Variants in DTWD2 observed in about 807,000 individuals in gnomAD.
DTWD2 encodes the protein tRNA-uridine aminocarboxypropyltransferase 2.
Under a neutral mutation model 31.8 loss-of-function variants are expected in DTWD2, and 39 were observed. The ratio of observed to expected loss-of-function variants is 1.22; its 90% CI spans 0.95 to 1.60. The LOEUF (loss-of-function observed/expected upper bound fraction) is 1.60, where lower values mean the gene tolerates loss of function less well. Among genes scored for constraint, DTWD2 ranks in the 40% most tolerant of loss-of-function variants. DTWD2 has a pLI of 0.00. For missense variants in DTWD2, 515 were observed against 381.5 expected (o/e 1.35, Z -2.92); for synonymous variants, 180 against 142.8 (o/e 1.26, Z -1.86).
chr5:118,903,233 T>G (rs922498706), intron 4 of DTWD2, among the ~76,000 whole-genome samples: 3 of 151,734 alleles, frequency 2.0e-5, no homozygotes, highest in Non-Finnish European at 2.9e-5. Context: ...AGATAAACAT[T>G]GAACAGCTGG....
intron 4 of DTWD2, among the ~76,000 whole-genome samples, chr5:118,849,686 C>A (rs552617232): frequency 1.3e-5 from 2 of 152,314 alleles, no homozygotes; most frequent in African/African-American, 4.8e-5. Flanking sequence ...CCCTGGAATA[C>A]TATGCAGCCA....
chr5:118,900,059 G>A (rs989489975), intron 4 of DTWD2, among the ~76,000 whole-genome samples: 21 of 151,844 alleles, frequency 1.4e-4, no homozygotes, highest in African/African-American at 4.4e-4. Flanking sequence ...TGCCCACCTC[G>A]GCCTCCCAAA....
chr5:118,875,914 G>A (rs759386277), intron 4 of DTWD2, among the ~76,000 whole-genome samples: 4 of 152,052 alleles, frequency 2.6e-5, no homozygotes, highest in South Asian at 4.2e-4. Flanking sequence ...TCTTTTCTTC[G>A]CCACATAACA....
chr5:118,885,021 C>T (rs1486159619), intron 4 of DTWD2, among the ~76,000 whole-genome samples: 2 of 122,258 alleles, frequency 1.6e-5, no homozygotes, highest in Admixed American at 7.8e-5. Flanking sequence ...AAAAAAAAAT[C>T]GTCCAGGTTG....
intron 1 of DTWD2, among the ~76,000 whole-genome samples, chr5:118,973,155 C>G (rs1311076901): frequency 6.7e-6 from 1 of 150,098 alleles, no homozygotes; most frequent in East Asian, 2.0e-4. Flanking sequence ...TGTCTTTGCA[C>G]GTGAGATGGG....
intron 1 of DTWD2, among the ~76,000 whole-genome samples, chr5:118,977,007 T>C (rs1755178413): frequency 6.6e-6 from 1 of 152,366 alleles, no homozygotes; most frequent in African/African-American, 2.4e-5. Flanking sequence ...GTCAGCTTCA[T>C]ACCTGGGATG....
At chr5:118,878,734 G>C (rs1377955301) in intron 4 of DTWD2, among the ~76,000 whole-genome samples, 1 of 152,036 alleles carries the variant, frequency 6.6e-6, no homozygotes, top group Non-Finnish European at 1.5e-5. Context: ...ACAATCTACA[G>C]AATGTGAGAA....
chr5:118,904,051 T>G, intron 4 of DTWD2, among the ~76,000 whole-genome samples: 1 of 152,168 alleles, frequency 6.6e-6, no homozygotes, highest in African/African-American at 2.4e-5. Flanking sequence ...ACACCAAGGT[T>G]GGTGATTCAA....
intron 4 of DTWD2, among the ~76,000 whole-genome samples, chr5:118,883,562 C>T (rs957493449): frequency 5.3e-5 from 8 of 152,170 alleles, no homozygotes; most frequent in African/African-American, 1.9e-4. Flanking sequence ...ACTCACAGTT[C>T]CCCGCATAGC....
At chr5:118,893,177 C>T (rs1204853718) in intron 4 of DTWD2, among the ~76,000 whole-genome samples, 1 of 151,952 alleles carries the variant, frequency 6.6e-6, no homozygotes, top group African/African-American at 2.4e-5. Flanking sequence ...GAGTTCGAGA[C>T]TAGCCTCGCC....
intron 4 of DTWD2, among the ~76,000 whole-genome samples, chr5:118,864,765 A>T (rs1297137877): frequency 6.6e-6 from 1 of 152,062 alleles, no homozygotes; most frequent in Non-Finnish European, 1.5e-5. Context: ...AGATAAAGCC[A>T]TATGTTTTTC....
rs1484777508 is a variant in DTWD2 at position 118,979,325 on chromosome 5, A to AATAAAAAAT, written c.218+8960_218+8968dup. ...TCCCCAAAAAAATAAATAAATAAAT[A>AATAAAAAAT]ATAAAAAATAAATAAAAGGTCAAAA... On this transcript the variant is annotated intron_variant, in intron 1 of 5. Transcript: ENST00000510708. 2.6e-5 allele frequency among the ~76,000 whole-genome samples: 4 copies of AATAAAAAAT among 152,122 alleles called. No individual in the cohort carries two copies. In the East Asian group the frequency reaches 7.7e-4, roughly 29 times the overall value.
At chr5:118,905,765 A>AT (rs1561449904) in intron 4 of DTWD2, among the ~76,000 whole-genome samples, 1 of 152,140 alleles carries the variant, frequency 6.6e-6, no homozygotes, top group Non-Finnish European at 1.5e-5. Context: ...AGGCTTTAAA[A>AT]TTTTATCTCT....
chr5:118,872,012 G>A (rs1192970843), intron 4 of DTWD2, among the ~76,000 whole-genome samples: 1 of 152,146 alleles, frequency 6.6e-6, no homozygotes, highest in Non-Finnish European at 1.5e-5. Flanking sequence ...AGCACTTGAC[G>A]ATTCACCTTG....
At position 118,844,178 on chromosome 5, in the gene DTWD2, T is replaced by C. The variant is rs531243057; in HGVS notation, c.727-3091A>G. 2.6e-5 allele frequency among the ~76,000 whole-genome samples: 4 copies of C among 152,336 alleles called. No individual in the cohort carries two copies. The South Asian group carries it at 6.2e-4, about 24-fold the overall frequency. Reference sequence around the variant, plus strand: ...TTCAGAGTTTTAAAGTTGTAGCCTATCCTAGTAAATCCTTTTTGCTGCATG... The same window carrying C: ...TTCAGAGTTTTAAAGTTGTAGCCTACCCTAGTAAATCCTTTTTGCTGCATG... On this transcript the variant is annotated intron_variant, in intron 5 of 5. Coordinates refer to ENST00000510708, the MANE Select transcript of DTWD2 (RefSeq NM_173666.4).
chr5:118,974,564 C>G (rs1457720132), intron 1 of DTWD2: 2 of 498,488 alleles, frequency 4.0e-6, no homozygotes, highest in Non-Finnish European at 8.0e-6. Flanking sequence ...GTAAAAAAAG[C>G]AAAAATGACA....
At chr5:118,841,763 T>C (rs1283465833) in intron 5 of DTWD2, among the ~76,000 whole-genome samples, 2 of 152,080 alleles carry the variant, frequency 1.3e-5, no homozygotes, top group African/African-American at 2.4e-5. Context: ...CCTGAAGTTA[T>C]TCAAATTCAA....
intron 3 of DTWD2, among the ~76,000 whole-genome samples, chr5:118,929,621 T>A (rs1753880299): frequency 6.6e-6 from 1 of 152,226 alleles, no homozygotes; most frequent in African/African-American, 2.4e-5. Flanking sequence ...TTAAATTTAA[T>A]TTGGCTGAAG....
chr5:118,842,528 A>AGCT (rs1264493803), intron 5 of DTWD2, among the ~76,000 whole-genome samples: 1 of 152,188 alleles, frequency 6.6e-6, no homozygotes, highest in Non-Finnish European at 1.5e-5. Flanking sequence ...TTCTTTTTCA[A>AGCT]GCTGCATTCC....
Sources: gnomAD v4.1 joint callset for allele counts (sites outside exome capture counted in the v4.1 genomes callset) on GRCh38, gnomAD v4.1.1 for gene constraint, MANE v1.5 for transcripts, NCBI Gene and HGNC (gene_info 2026-07-23, HGNC 2026-07-21) for gene names.